Variants in SLC10A7 observed in about 807,000 individuals in gnomAD.
SLC10A7 encodes the protein solute carrier family 10 member 7, also known as sodium/bile acid cotransporter 7.
In SLC10A7, 29 loss-of-function variants were observed where a neutral mutation model predicts 43.2. That is an observed-to-expected ratio of 0.67 (90% confidence interval 0.50 to 0.92). The LOEUF is 0.92. Among genes scored for constraint, SLC10A7 ranks in the 40% least tolerant of loss-of-function variants. The pLI is 0.00. For synonymous variants in SLC10A7, 152 were observed against 144.8 expected, an observed-to-expected ratio of 1.05 and a Z score of -0.35; for missense variants, 295 against 403.2, an observed-to-expected ratio of 0.73 and a Z score of 2.30.
intron 5 of SLC10A7, among the ~76,000 whole-genome samples, chr4:146,406,708 C>T (rs903061509): frequency 5.3e-5 from 8 of 152,124 alleles, no homozygotes; most frequent in South Asian, 2.1e-4. Flanking sequence ...CGTGGCCAGG[C>T]GCAGTGGCTC....
chr4:146,258,618 G>A (rs1019709774), intron 11 of SLC10A7, 74 bp downstream of exon 11: 1 of 1,449,028 alleles, frequency 6.9e-7, no homozygotes. Context: ...AATCGAAAGT[G>A]TATGAACAGT....
intron 4 of SLC10A7, 64 bp from the exon 5 acceptor site, chr4:146,442,885 G>T (rs1261673047): frequency 3.5e-6 from 4 of 1,141,044 alleles, no homozygotes; most frequent in South Asian, 1.5e-5. Context: ...TAAAGCCAAA[G>T]ATTATCATTC....
chr4:146,421,456 A>C (rs1032391963), intron 5 of SLC10A7, among the ~76,000 whole-genome samples: 3 of 152,154 alleles, frequency 2.0e-5, no homozygotes, highest in African/African-American at 2.4e-5. Context: ...CATTGCTACC[A>C]GGCCATTTCT....
intron 5 of SLC10A7, among the ~76,000 whole-genome samples, chr4:146,339,991 A>T (rs1734148048): frequency 6.6e-6 from 1 of 150,472 alleles, no homozygotes; most frequent in Admixed American, 6.6e-5. Context: ...CCCCACCCCG[A>T]CAGGTCCCGG....
At chr4:146,435,108 C>T (rs956999092) in intron 5 of SLC10A7, among the ~76,000 whole-genome samples, 5 of 152,050 alleles carry the variant, frequency 3.3e-5, no homozygotes, top group African/African-American at 9.7e-5. Context: ...TAAAATCAAA[C>T]AGCAACATCC....
At chr4:146,468,806 T>A (rs900886619) in intron 4 of SLC10A7, among the ~76,000 whole-genome samples, 2 of 152,188 alleles carry the variant, frequency 1.3e-5, no homozygotes, top group Admixed American at 6.5e-5. Context: ...TGACATAATT[T>A]ACTGTGATTT....
chr4:146,275,088 T>C (rs779842303), intron 10 of SLC10A7, among the ~76,000 whole-genome samples: 2 of 152,202 alleles, frequency 1.3e-5, no homozygotes, highest in Non-Finnish European at 1.5e-5. Context: ...TTAATGTGCA[T>C]GATACCCTCT....
chr4:146,421,739 A>C (rs937778041), intron 5 of SLC10A7, among the ~76,000 whole-genome samples: 7 of 152,116 alleles, frequency 4.6e-5, no homozygotes, highest in Admixed American at 3.3e-4. Flanking sequence ...ACACAGAGAG[A>C]TATAACAGTG....
intron 5 of SLC10A7, among the ~76,000 whole-genome samples, chr4:146,391,627 G>A (rs756144467): frequency 6.6e-6 from 1 of 152,310 alleles, no homozygotes; most frequent in Non-Finnish European, 1.5e-5. Flanking sequence ...GGCAGATGAA[G>A]TCTTGTCTTC....
rs554916437 is a variant in SLC10A7, at chr4:146,430,435, A to T, written c.435+12348T>A. On this transcript the variant is annotated intron_variant, in intron 5 of 11. Transcript: ENST00000335472. ...ACCAAAAGCACAATAATGTTAATAA[A>T]CATATCCCTCCAAAATCAATGGATA... 3.7e-4 allele frequency among the ~76,000 whole-genome samples: 57 copies of T among 152,340 alleles called. 1 individual carries two copies. In the South Asian group the frequency reaches 9.9e-3, roughly 27 times the overall value.
chr4:146,266,447 G>A (rs531192123), intron 10 of SLC10A7, among the ~76,000 whole-genome samples: 8 of 151,014 alleles, frequency 5.3e-5, no homozygotes, highest in African/African-American at 1.7e-4. Flanking sequence ...ACACATGCAC[G>A]CACACACACA....
At chr4:146,482,583 G>GAA (rs60347451) in intron 4 of SLC10A7, among the ~76,000 whole-genome samples, 37 of 148,014 alleles carry the variant, frequency 2.5e-4, no homozygotes, top group East Asian at 5.9e-4. Context: ...GAAAAAATAA[G>GAA]AAAAAAAAAA....
intron 5 of SLC10A7, among the ~76,000 whole-genome samples, chr4:146,417,973 T>C (rs1360442525): frequency 6.6e-6 from 1 of 151,798 alleles, no homozygotes; most frequent in Non-Finnish European, 1.5e-5. Context: ...CCTGGGGACC[T>C]GTGAGTTCTG....
At chr4:146,460,719 G>A (rs1006151803) in intron 4 of SLC10A7, among the ~76,000 whole-genome samples, 3 of 151,882 alleles carry the variant, frequency 2.0e-5, no homozygotes, top group African/African-American at 7.2e-5. Flanking sequence ...TGATGGCAAT[G>A]TTTTAAATCT....
intron 11 of SLC10A7, chr4:146,256,749 G>A (rs952455126): frequency 8.3e-6 from 10 of 1,208,438 alleles, no homozygotes; most frequent in Admixed American, 6.4e-5. Context: ...TACTCGTATG[G>A]TTCCCCTGTG....
intron 6 of SLC10A7, among the ~76,000 whole-genome samples, chr4:146,319,213 C>T (rs1038624372): frequency 1.3e-5 from 2 of 152,060 alleles, no homozygotes; most frequent in African/African-American, 4.8e-5. Flanking sequence ...TTAATTTACT[C>T]TCTCCCTTGT....
At chr4:146,417,119 G>C (rs1289737424) in intron 5 of SLC10A7, among the ~76,000 whole-genome samples, 1 of 152,186 alleles carries the variant, frequency 6.6e-6, no homozygotes, top group Non-Finnish European at 1.5e-5. Context: ...AGGTCCACAA[G>C]TGTTATCTGT....
chr4:146,478,440 A>T (rs1734210817), intron 4 of SLC10A7: 1 of 152,214 alleles, frequency 6.6e-6, no homozygotes, highest in South Asian at 2.1e-4. Context: ...TTTAAATAGG[A>T]TGTACATATT....
chr4:146,313,996 T>C (rs1429927860), intron 6 of SLC10A7, among the ~76,000 whole-genome samples: 2 of 152,166 alleles, frequency 1.3e-5, no homozygotes, highest in Non-Finnish European at 2.9e-5. Context: ...GATAATATGT[T>C]TTAAAACAAA....
Sources: gnomAD v4.1 joint callset for allele counts (sites outside exome capture counted in the v4.1 genomes callset) on GRCh38, gnomAD v4.1.1 for gene constraint, MANE v1.5 for transcripts, NCBI Gene and HGNC (gene_info 2026-07-23, HGNC 2026-07-21) for gene names.